Variants in GALNT13 observed in about 807,000 individuals in gnomAD.
GALNT13 encodes the protein polypeptide N-acetylgalactosaminyltransferase 13.
A neutral mutation model predicts 64.2 loss-of-function variants in GALNT13; 28 were observed. That is an observed-to-expected ratio of 0.44 (90% CI 0.32 to 0.60). GALNT13 has a LOEUF of 0.60. Among genes scored for constraint, GALNT13 ranks in the 20% least tolerant of loss-of-function variants. The pLI is 0.05. For synonymous variants in GALNT13, 214 were observed against 224.6 expected, an observed-to-expected ratio of 0.95 and a Z score of 0.42; for missense variants, 577 against 669.8, an observed-to-expected ratio of 0.86 and a Z score of 1.53.
the GALNT13 span, among the ~76,000 whole-genome samples, chr2:153,846,235 A>C: frequency 6.6e-6 from 1 of 152,188 alleles, no homozygotes; most frequent in South Asian, 2.1e-4. Context: ...TACTACTTAA[A>C]GCATTAATAC....
chr2:153,611,624 A>G, the GALNT13 span, among the ~76,000 whole-genome samples: 1 of 149,640 alleles, frequency 6.7e-6, no homozygotes, highest in African/African-American at 2.5e-5. Context: ...GCCTTCCCAA[A>G]GTGCTGGGAT....
the GALNT13 span, among the ~76,000 whole-genome samples, chr2:153,148,288 C>T: frequency 6.6e-6 from 1 of 151,848 alleles, no homozygotes; most frequent in African/African-American, 2.4e-5. Context: ...TGAGAGAAAG[C>T]ATCCATCTTG....
At position 153,927,071 on chromosome 2, in the gene GALNT13, G is replaced by A. The variant is rs71417288; in HGVS notation, c.-104-17323G>A. 3.0e-3 allele frequency among the ~76,000 whole-genome samples: 450 copies of A among 151,816 alleles called. 2 individuals carry two copies. Among genetic ancestry groups the A allele is most frequent in the Non-Finnish European group, 4.8e-3 (327 of 67,890 alleles). ...AACTTAAAGTCTTTTCTCAATATGG[G>A]GTATTTAAAACAGTGTTCAGTGGAG... On this transcript the variant is annotated intron_variant, in intron 2 of 12. Transcript: ENST00000392825.
chr2:154,396,926 A>G (rs1699080912), intron 10 of GALNT13, among the ~76,000 whole-genome samples: 1 of 150,096 alleles, frequency 6.7e-6, no homozygotes, highest in South Asian at 2.1e-4. Flanking sequence ...ATAATATATA[A>G]TATATTCATA....
At chr2:153,375,766 G>C in the GALNT13 span, among the ~76,000 whole-genome samples, 7 of 152,068 alleles carry the variant, frequency 4.6e-5, no homozygotes, top group African/African-American at 1.7e-4. Context: ...TGAGTCCCCA[G>C]GTTCAAGTCT....
At chr2:153,126,296 G>A in the GALNT13 span, among the ~76,000 whole-genome samples, 4,016 of 117,646 alleles carry the variant, frequency 0.034, 181 homozygotes, top group Non-Finnish European at 0.05. Context: ...TATTGATTTT[G>A]TATATATATA....
chr2:153,795,905 A>G, the GALNT13 span, among the ~76,000 whole-genome samples: 1 of 152,164 alleles, frequency 6.6e-6, no homozygotes, highest in Admixed American at 6.5e-5. Flanking sequence ...TACCCATAAT[A>G]TGGTATGTAT....
chr2:153,741,895 T>A, the GALNT13 span, among the ~76,000 whole-genome samples: 1 of 152,248 alleles, frequency 6.6e-6, no homozygotes, highest in East Asian at 1.9e-4. Context: ...TACAAAGTGA[T>A]GTTATGATTT....
chr2:153,320,067 A>C, the GALNT13 span, among the ~76,000 whole-genome samples: 1 of 152,052 alleles, frequency 6.6e-6, no homozygotes, highest in Non-Finnish European at 1.5e-5. Flanking sequence ...ACTGGGTTGC[A>C]CTCTTCATCA....
chr2:154,209,278 G>A (rs916237908), intron 4 of GALNT13, among the ~76,000 whole-genome samples: 2 of 152,070 alleles, frequency 1.3e-5, no homozygotes, highest in South Asian at 2.1e-4. Flanking sequence ...GGTGGTGGTC[G>A]TGGTTGACCT....
chr2:153,245,829 G>C, the GALNT13 span, among the ~76,000 whole-genome samples: 1 of 152,190 alleles, frequency 6.6e-6, no homozygotes, highest in African/African-American at 2.4e-5. Flanking sequence ...GGCTTCAGAA[G>C]GTGGGTAATA....
intron 4 of GALNT13, among the ~76,000 whole-genome samples, chr2:154,171,695 G>A (rs1177048994): frequency 1.3e-5 from 2 of 152,054 alleles, no homozygotes; most frequent in Non-Finnish European, 2.9e-5. Flanking sequence ...GCACAGTGAA[G>A]TATGAATACA....
At chr2:153,476,249 T>C in the GALNT13 span, among the ~76,000 whole-genome samples, 2 of 152,220 alleles carry the variant, frequency 1.3e-5, no homozygotes, top group Non-Finnish European at 1.5e-5. Flanking sequence ...AAACTTTTGA[T>C]CCCAATCTTT....
the GALNT13 span, among the ~76,000 whole-genome samples, chr2:153,203,182 C>T: frequency 6.6e-6 from 1 of 152,192 alleles, no homozygotes; most frequent in Admixed American, 6.5e-5. Flanking sequence ...TTGTAGATGG[C>T]ACATTGCAGA....
At chr2:153,485,718 G>A in the GALNT13 span, among the ~76,000 whole-genome samples, 1 of 151,788 alleles carries the variant, frequency 6.6e-6, no homozygotes, top group African/African-American at 2.4e-5. Flanking sequence ...GCAACACAGC[G>A]AGACCCCATC....
the GALNT13 span, among the ~76,000 whole-genome samples, chr2:153,442,566 T>C: frequency 1.3e-5 from 2 of 152,172 alleles, no homozygotes; most frequent in Non-Finnish European, 1.5e-5. Context: ...GCTGTGAATC[T>C]ATCTGGTCCT....
In GALNT13 at chr2:154,260,959, C is replaced by T. The variant is rs558673294; in HGVS notation, c.975+1821C>T. On this transcript the variant is annotated intron_variant, in intron 8 of 12. Transcript: ENST00000392825. ...ACCTCTTTCCTCCCTACCTGTTAAG[C>T]TTGATTTTCTGCCAATGTACTCCTC... Among the ~76,000 whole-genome samples the T allele has an allele frequency of 3.3e-5, 5 of 152,250 alleles. No individual in the cohort carries two copies. In the East Asian group the frequency reaches 5.8e-4, roughly 18 times the overall value.
At chr2:153,216,888 A>G in the GALNT13 span, among the ~76,000 whole-genome samples, 3 of 151,480 alleles carry the variant, frequency 2.0e-5, no homozygotes, top group African/African-American at 7.2e-5. Flanking sequence ...CAAGATCACA[A>G]TTATTTTTTC....
intron 2 of GALNT13, among the ~76,000 whole-genome samples, chr2:153,918,231 T>C (rs11692421): frequency 6.6e-6 from 1 of 151,952 alleles, no homozygotes; most frequent in Admixed American, 6.6e-5. Context: ...AAAAATATCT[T>C]TCTACCACTT....
Sources: allele counts gnomAD v4.1 joint callset (sites outside exome capture counted in the v4.1 genomes callset), GRCh38; gene constraint gnomAD v4.1.1; transcripts MANE v1.5; gene names NCBI Gene and HGNC (gene_info 2026-07-23, HGNC 2026-07-21).